Variants in NPEPL1 observed in about 807,000 individuals in gnomAD.
NPEPL1 encodes the protein probable aminopeptidase NPEPL1.
A neutral mutation model predicts 52.4 loss-of-function variants in NPEPL1; 45 were observed. That is an observed-to-expected ratio of 0.86 (90% CI 0.68 to 1.10). The LOEUF (loss-of-function observed/expected upper bound fraction) is 1.10, where lower values mean the gene tolerates loss of function less well. NPEPL1 is among the 50% of genes least tolerant of loss of function. The pLI is 0.00. For missense variants in NPEPL1, 696 were observed against 710.9 expected, an observed-to-expected ratio of 0.98 and a Z score of 0.24; for synonymous variants, 360 against 314.7, an observed-to-expected ratio of 1.14 and a Z score of -1.52.
At chr20:58,711,818 GCT>G (rs1393817630) in intron 7 of NPEPL1, among the ~76,000 whole-genome samples, 1 of 152,250 alleles carries the variant, frequency 6.6e-6, no homozygotes, top group African/African-American at 2.4e-5. Flanking sequence ...GTGTGTCCGC[GCT>G]CTCGAGGCAT....
Position 58,715,414 on chromosome 20 carries a change from T to A in NPEPL1, c.*88T>A. On this transcript the variant is annotated 3_prime_UTR_variant, in exon 12 of 12. Transcript: ENST00000356091. ...AGCAATTGAAAGATTGCCCTTCATA[T>A]GGGTTTTGGTTTGTCTTTCTGGTCG... The A allele has an allele frequency of 7.4e-7, 1 of 1,354,656 alleles. No homozygotes were observed. The highest frequency in any genetic ancestry group is 9.8e-7 in the Non-Finnish European group (1 of 1,023,952). 83.9% of individuals were successfully genotyped at this position (1,354,656 alleles called of 1,614,324 possible).
chr20:58,712,559 C>T lies in NPEPL1; in HGVS notation c.981C>T (p.Ile327=), dbSNP rs774593214. The T allele has an allele frequency of 1.2e-6, 2 of 1,612,684 alleles. No homozygotes were observed. The highest frequency in any genetic ancestry group is 1.7e-6 in the Non-Finnish European group (2 of 1,178,954). The change falls in exon 8 of 12, where the codon ATC becomes ATT. Residue 327 remains isoleucine, a synonymous_variant. Transcript: ENST00000356091. ...VGPNATRPDD[I]HLLYSGKTVE... ...CCAATGCGACAAGGCCAGATGACATCCACCTGCTGTACTCAGGGAAGTACG... is the reference window on the plus strand; with the variant it reads ...CCAATGCGACAAGGCCAGATGACATTCACCTGCTGTACTCAGGGAAGTACG...
intron 6 of NPEPL1, chr20:58,703,401 A>G (rs989258247): frequency 5.0e-5 from 46 of 927,396 alleles, no homozygotes; most frequent in Non-Finnish European, 5.8e-5. Flanking sequence ...GTCGGTTATG[A>G]TTCCTAAATT....
At chr20:58,702,570 G>C (rs2084655079) in intron 6 of NPEPL1, among the ~76,000 whole-genome samples, 1 of 152,092 alleles carries the variant, frequency 6.6e-6, no homozygotes, top group Admixed American at 6.5e-5. Context: ...GCCTCCCTAT[G>C]GGTCTCTTGG....
chr20:58,693,127 G>C (rs941189711), intron 1 of NPEPL1, 77 bp downstream of exon 1: 2 of 941,182 alleles, frequency 2.1e-6, no homozygotes, highest in South Asian at 9.4e-5. Flanking sequence ...GCCCCGCCTC[G>C]CCCGCCGCAC....
At chr20:58,710,032 CTTTTT>C (rs59087368) in intron 7 of NPEPL1, among the ~76,000 whole-genome samples, 9 of 109,440 alleles carry the variant, frequency 8.2e-5, no homozygotes, top group African/African-American at 3.9e-4. Flanking sequence ...TTGTTTGTGG[CTTTTT>C]TTTTTTTTTT....
At chr20:58,712,948 C>A in intron 8 of NPEPL1, 1 of 382,936 alleles carries the variant, frequency 2.6e-6, no homozygotes, top group Admixed American at 3.7e-5. Context: ...TTGAGATTGA[C>A]CCTGGAAAGT....
At chr20:58,692,792 T>A (rs1169560516), upstream of NPEPL1, 1 of 968,006 alleles carries the variant, frequency 1.0e-6, no homozygotes, top group Non-Finnish European at 1.2e-6. The surrounding 1 kb of genome is among the most constrained non-coding windows in gnomAD (Gnocchi z 5.7). Flanking sequence ...GCCCGCGGGC[T>A]GCCGGGCAGG....
chr20:58,715,209 G>A lies in NPEPL1; in HGVS notation c.1455G>A (p.Ala485=), dbSNP rs1232389278. The A allele has an allele frequency of 3.7e-6, 6 of 1,607,740 alleles. No individual in the cohort carries two copies. Among genetic ancestry groups the A allele is most frequent in the Admixed American group, 1.7e-5 (1 of 59,510 alleles). ...ATGFGVALLL[A]LFGRASEDPL... is the part of the protein sequence containing the mutation. ...GCTTCGGTGTGGCCCTCCTGCTGGC[G>A]CTCTTCGGCCGTGCCTCTGAGGACC... is the stretch of plus-strand genomic sequence containing the variant. Residue 485 remains alanine, a synonymous_variant, in exon 12 of 12, where the codon GCG becomes GCA. Transcript: ENST00000356091.
At chr20:58,693,318 G>C (rs2084393763) in intron 1 of NPEPL1, 1 of 164,686 alleles carries the variant, frequency 6.1e-6, no homozygotes, top group Non-Finnish European at 1.3e-5. Flanking sequence ...GACGGCGGGG[G>C]GGGAGACGTG....
In NPEPL1 at chr20:58,712,625, C is replaced by T. The variant is rs767662515; in HGVS notation, c.1001+46C>T. 2.1e-5 allele frequency: 29 copies of T among 1,365,104 alleles called. 1 individual carries two copies. The highest frequency in any genetic ancestry group is 3.6e-4 in the Middle Eastern group (2 of 5,624). 84.6% of individuals were successfully genotyped at this position (1,365,104 alleles called of 1,614,324 possible). ...CCTTCCTGCCCACTGTTGGAACTCGCGACCCTTCCCGGCCTGCAATGCCAG... is the reference window on the plus strand; with the variant it reads ...CCTTCCTGCCCACTGTTGGAACTCGTGACCCTTCCCGGCCTGCAATGCCAG... On this transcript the variant is annotated intron_variant, in intron 8 of 11. Coordinates refer to ENST00000356091, the MANE Select transcript of NPEPL1 (RefSeq NM_024663.4).
At chr20:58,709,246 C>T (rs1179789258) in intron 7 of NPEPL1, among the ~76,000 whole-genome samples, 2 of 151,990 alleles carry the variant, frequency 1.3e-5, no homozygotes, top group African/African-American at 4.8e-5. Flanking sequence ...ACGCGAATGT[C>T]CTGCTTGGCC....
rs1215499082 is a variant in NPEPL1, at chr20:58,715,336, C to T, written c.*10C>T. The T allele has an allele frequency of 1.3e-6, 2 of 1,592,934 alleles. No homozygotes were observed. The highest frequency in any genetic ancestry group is 1.7e-6 in the Non-Finnish European group (2 of 1,169,398). ...ACGCAGGCTTGTGTGAGCCTCCTGCCTCGGCCCTGACAAACGGGGATCTTT... is the reference window on the plus strand; with the variant it reads ...ACGCAGGCTTGTGTGAGCCTCCTGCTTCGGCCCTGACAAACGGGGATCTTT... On this transcript the variant is annotated 3_prime_UTR_variant, in exon 12 of 12. Transcript: ENST00000356091.
intron 4 of NPEPL1, 101 bp downstream of exon 4, chr20:58,698,874 T>C (rs1440245353): frequency 3.0e-6 from 3 of 1,012,010 alleles, no homozygotes; most frequent in Non-Finnish European, 4.4e-6. Flanking sequence ...CACCCTGACG[T>C]GGCCAGGGAA....
At chr20:58,693,666 G>A in intron 1 of NPEPL1, 71 bp from the exon 2 acceptor site, 1 of 1,411,896 alleles carries the variant, frequency 7.1e-7, no homozygotes, top group Admixed American at 2.0e-5. Flanking sequence ...GGCCGTGGCT[G>A]CAGGGCAGGG....
chr20:58,692,685 T>G (rs1046388108), upstream of NPEPL1: 6 of 411,866 alleles, frequency 1.5e-5, no homozygotes, highest in Middle Eastern at 2.4e-3. This position sits in a 1 kb window ranked among gnomAD's most constrained non-coding sequence, Gnocchi z 5.7. Flanking sequence ...CGGCCGGGCC[T>G]GCCCGCACCC....
intron 3 of NPEPL1, among the ~76,000 whole-genome samples, chr20:58,695,190 T>C (rs879598552): frequency 3.5e-4 from 1 of 2,860 alleles, no homozygotes; most frequent in East Asian, 7.4e-3. Context: ...TGTGTTGTTG[T>C]GTGTGAGTAC....
chr20:58,694,363 C>T (rs2084416671), intron 2 of NPEPL1, 59 bp from the exon 3 acceptor site: 1 of 1,520,360 alleles, frequency 6.6e-7, no homozygotes, highest in South Asian at 1.3e-5. Flanking sequence ...AAGAGCAGCT[C>T]CCTGCACTCC....
chr20:58,715,174 C>A lies in NPEPL1; in HGVS notation c.1420C>A (p.Arg474=). The stretch of plus-strand genomic sequence containing the variant: ...TCCTGCCCTTTGCTTGCAGGGTGAG[C>A]GAGCCACAGGCTTCGGTGTGGCCCT... ...DIAAPVHAGE[R]ATGFGVALLL... The change falls in exon 12 of 12, where the codon CGA becomes AGA. Residue 474 remains arginine, a synonymous_variant. Transcript: ENST00000356091. The A allele has an allele frequency of 6.3e-7, 1 of 1,597,842 alleles. No individual in the cohort carries two copies. Among genetic ancestry groups the A allele is most frequent in the East Asian group, 2.3e-5 (1 of 43,994 alleles).
Sources: allele counts gnomAD v4.1 joint callset (sites outside exome capture counted in the v4.1 genomes callset), GRCh38; gene constraint gnomAD v4.1.1; non-coding constraint Gnocchi (gnomAD v3.1); transcripts MANE v1.5; gene names NCBI Gene and HGNC (gene_info 2026-07-23, HGNC 2026-07-21).